INPP5A: variants seen among roughly 807,000 people sequenced by gnomAD.
The protein encoded by INPP5A is 43 kDa inositol polyphosphate 5-phophatase.
A neutral mutation model predicts 65.2 loss-of-function variants in INPP5A; 14 were observed. The observed-to-expected ratio is 0.21, with a 90% CI of 0.14 to 0.34. The LOEUF is 0.34. INPP5A is among the 10% of genes least tolerant of loss of function. The pLI, the probability that INPP5A is intolerant of heterozygous loss-of-function variation, is 1.00. For missense variants in INPP5A, 431 were observed against 545.6 expected (o/e 0.79, Z 2.09); for synonymous variants, 207 against 208.3 (o/e 0.99, Z 0.05).
intron 9 of INPP5A, among the ~76,000 whole-genome samples, chr10:132,728,444 G>A (rs928708736): frequency 3.9e-5 from 6 of 152,220 alleles, no homozygotes; most frequent in Non-Finnish European, 5.9e-5. Context: ...TGCGGGACCC[G>A]GGAGCAAGGC....
intron 8 of INPP5A, among the ~76,000 whole-genome samples, chr10:132,720,724 G>T (rs1845855930): frequency 6.7e-6 from 1 of 150,008 alleles, no homozygotes; most frequent in African/African-American, 2.5e-5. Flanking sequence ...GGGTTCTGTG[G>T]TGCCTGAGTT....
intron 8 of INPP5A, among the ~76,000 whole-genome samples, chr10:132,714,787 C>G (rs532979291): frequency 3.0e-4 from 45 of 152,350 alleles, no homozygotes; most frequent in African/African-American, 1.0e-3. Context: ...GCGAGTGCTG[C>G]GGGGTGCCTG....
intron 11 of INPP5A, among the ~76,000 whole-genome samples, chr10:132,761,735 A>T (rs1027936426): frequency 6.6e-6 from 1 of 152,196 alleles, no homozygotes. Context: ...CAACTAAAAA[A>T]ATTCCCAAAA....
At chr10:132,738,146 A>G (rs1846210240) in intron 9 of INPP5A, among the ~76,000 whole-genome samples, 1 of 152,138 alleles carries the variant, frequency 6.6e-6, no homozygotes, top group African/African-American at 2.4e-5. Flanking sequence ...ACTTTTCTAT[A>G]TTTTTTATGA....
rs1210467780 is a variant in INPP5A at position 132,551,165 on chromosome 10, C to A, written c.75+12994C>A. On this transcript the variant is annotated intron_variant, in intron 1 of 15. Coordinates refer to ENST00000368594, the MANE Select transcript of INPP5A (RefSeq NM_005539.5). The surrounding 1 kb of genome is among the most constrained non-coding windows in gnomAD (Gnocchi z 5.3). ...CCTTATCCCTGAGCACCCTCCCTTG[C>A]CTACCTTTCAGGCTTCTGAGCGGCT... Among the ~76,000 whole-genome samples the A allele has an allele frequency of 6.6e-6, 1 of 152,224 alleles. No homozygotes were observed. Among genetic ancestry groups the A allele is most frequent in the Non-Finnish European group, 1.5e-5 (1 of 68,032 alleles).
In INPP5A at chr10:132,741,672, C is replaced by T. The variant is rs139108108; in HGVS notation, c.733-7845C>T. 3.5e-4 allele frequency among the ~76,000 whole-genome samples: 53 copies of T among 152,126 alleles called. No individual in the cohort carries two copies. The highest frequency in any genetic ancestry group is 7.7e-4 in the East Asian group (4 of 5,162). On this transcript the variant is annotated intron_variant, in intron 9 of 15. Transcript: ENST00000368594. The surrounding 1 kb of genome is among the most constrained non-coding windows in gnomAD (Gnocchi z 4.4). Reference sequence around the variant, plus strand: ...GAAGGTGGACGTTGGTATCCGCGTCCGCTTGCTTTTCTCAATAGCCAATGT... The same window carrying T: ...GAAGGTGGACGTTGGTATCCGCGTCTGCTTGCTTTTCTCAATAGCCAATGT...
chr10:132,747,943 G>A (rs564576642), intron 9 of INPP5A, among the ~76,000 whole-genome samples: 2 of 152,202 alleles, frequency 1.3e-5, no homozygotes, highest in East Asian at 1.9e-4. Flanking sequence ...CCAGCTACTC[G>A]AGGGGCTGAG....
At chr10:132,600,098 A>G (rs1031347995) in intron 1 of INPP5A, among the ~76,000 whole-genome samples, 7 of 152,326 alleles carry the variant, frequency 4.6e-5, no homozygotes, top group South Asian at 2.1e-4. Flanking sequence ...GCTCCTTGCT[A>G]CTTACCCAGA....
chr10:132,559,910 C>T (rs2071179858), intron 1 of INPP5A, among the ~76,000 whole-genome samples: 1 of 152,184 alleles, frequency 6.6e-6, no homozygotes, highest in Non-Finnish European at 1.5e-5. Flanking sequence ...ACATGAGTGT[C>T]CATGTGCAAG....
intron 8 of INPP5A, among the ~76,000 whole-genome samples, chr10:132,724,922 C>T (rs190730882): frequency 9.9e-4 from 142 of 142,926 alleles, no homozygotes; most frequent in African/African-American, 3.5e-3. Flanking sequence ...TCACCACAGA[C>T]GGGGATCACT....
Position 132,650,001 on chromosome 10 carries a change from G to A in INPP5A, c.219-417G>A, listed in dbSNP as rs911040169. 6.6e-6 allele frequency among the ~76,000 whole-genome samples: 1 copy of A among 152,204 alleles called. No individual in the cohort carries two copies. The highest frequency in any genetic ancestry group is 2.4e-5 in the African/African-American group (1 of 41,454). On this transcript the variant is annotated intron_variant, in intron 3 of 15. Coordinates refer to ENST00000368594, the MANE Select transcript of INPP5A (RefSeq NM_005539.5). This position sits in a 1 kb window ranked among gnomAD's most constrained non-coding sequence, Gnocchi z 5.5. ...ATGGGGACAGAACTACCTGGGCCCT[G>A]GGGTGCATGTGCCCCAACCTGTGTG...
intron 13 of INPP5A, among the ~76,000 whole-genome samples, chr10:132,778,302 ATTTTTTTTTTTTTT>A (rs57172206): frequency 2.7e-5 from 2 of 72,960 alleles, no homozygotes; most frequent in Non-Finnish European, 4.6e-5. Context: ...TTTAATAATA[ATTTTTTTTTTTTTT>A]TTTTTTTTTT....
chr10:132,764,904 GT>G (rs1846812502), intron 11 of INPP5A, among the ~76,000 whole-genome samples: 6 of 136,958 alleles, frequency 4.4e-5, no homozygotes, highest in African/African-American at 1.7e-4. Flanking sequence ...CAGGAACACG[GT>G]CGGGCCAGTC....
rs1229695812 is a variant in INPP5A at position 132,651,739 on chromosome 10, G to A, written c.306+1234G>A. The stretch of plus-strand genomic sequence containing the variant: ...CTCTCATTGCTGTTTGGGTTCAAGG[G>A]CCATCTCACTTGTTTGGGCATCCAG... On this transcript the variant is annotated intron_variant, in intron 4 of 15. Coordinates refer to ENST00000368594, the MANE Select transcript of INPP5A (RefSeq NM_005539.5). The surrounding 1 kb of genome is among the most constrained non-coding windows in gnomAD (Gnocchi z 5.0). 6.6e-6 allele frequency among the ~76,000 whole-genome samples: 1 copy of A among 152,212 alleles called. No homozygotes were observed. The highest frequency in any genetic ancestry group is 2.4e-5 in the African/African-American group (1 of 41,444).
intron 2 of INPP5A, among the ~76,000 whole-genome samples, chr10:132,643,306 G>A (rs2072450324): frequency 6.6e-6 from 1 of 152,150 alleles, no homozygotes; most frequent in Non-Finnish European, 1.5e-5. Context: ...GGTGGTACAG[G>A]AGTTGAGGCA....
intron 1 of INPP5A, among the ~76,000 whole-genome samples, chr10:132,584,832 A>G (rs1365663907): frequency 6.6e-6 from 1 of 152,222 alleles, no homozygotes; most frequent in Non-Finnish European, 1.5e-5. Flanking sequence ...TCCTAGGCTC[A>G]AGCAGTCATC....
chr10:132,628,039 G>A (rs748991686), intron 2 of INPP5A, among the ~76,000 whole-genome samples: 5 of 152,292 alleles, frequency 3.3e-5, no homozygotes, highest in African/African-American at 7.2e-5. Context: ...CAGCAGCTGC[G>A]GATCTACTCT....
chr10:132,629,044 C>T (rs1246597143), intron 2 of INPP5A, among the ~76,000 whole-genome samples: 9 of 152,194 alleles, frequency 5.9e-5, no homozygotes, highest in Non-Finnish European at 7.3e-5. Flanking sequence ...ATGGCAGGAG[C>T]GAGGGGAGGT....
chr10:132,672,301 G>A (rs1016236352), intron 4 of INPP5A, among the ~76,000 whole-genome samples: 13 of 152,316 alleles, frequency 8.5e-5, no homozygotes, highest in Non-Finnish European at 1.9e-4. Flanking sequence ...GTTTTGAAAT[G>A]TGAGGACAGG....
Sources: gnomAD v4.1 joint callset for allele counts (sites outside exome capture counted in the v4.1 genomes callset) on GRCh38, gnomAD v4.1.1 for gene constraint, Gnocchi (gnomAD v3.1) non-coding constraint, MANE v1.5 for transcripts, NCBI Gene and HGNC (gene_info 2026-07-23, HGNC 2026-07-21) for gene names.